Variants in SLC9A9 observed in about 807,000 individuals in gnomAD.
The protein encoded by SLC9A9 is sodium/hydrogen exchanger 9.
In SLC9A9, 62 loss-of-function variants were observed where a neutral mutation model predicts 77.8. The observed-to-expected ratio is 0.80, with a 90% CI of 0.65 to 0.98. The LOEUF (loss-of-function observed/expected upper bound fraction) is 0.98, where lower values mean the gene tolerates loss of function less well. Among genes scored for constraint, SLC9A9 ranks in the 50% least tolerant of loss-of-function variants. SLC9A9 has a pLI of 0.00. For missense variants in SLC9A9, 775 were observed against 774.9 expected, an observed-to-expected ratio of 1.00 and a Z score of 0.00; for synonymous variants, 320 against 283.5, an observed-to-expected ratio of 1.13 and a Z score of -1.29.
At chr3:143,418,376 C>T (rs2034235931) in intron 12 of SLC9A9, among the ~76,000 whole-genome samples, 2 of 151,744 alleles carry the variant, frequency 1.3e-5, no homozygotes, top group African/African-American at 2.4e-5. Context: ...CTCTTTTTTG[C>T]TGCCCTTCTC....
intron 5 of SLC9A9, 90 bp from the exon 6 acceptor site, chr3:143,652,450 A>G (rs2038813843): frequency 1.1e-6 from 1 of 914,580 alleles, no homozygotes; most frequent in African/African-American, 1.6e-5. Flanking sequence ...ACATTAATGA[A>G]ATGCTCATCT....
rs1291642537 is a variant in SLC9A9, at chr3:143,395,838, A to G, written c.1470-13724T>C. On this transcript the variant is annotated intron_variant, in intron 12 of 15. Coordinates refer to ENST00000316549, the MANE Select transcript of SLC9A9 (RefSeq NM_173653.4). ...GAACACATTTATGCAGCCAACAGACATATGAAAAAATGCTCATCATCACTG... is the reference window on the plus strand; with the variant it reads ...GAACACATTTATGCAGCCAACAGACGTATGAAAAAATGCTCATCATCACTG... Among the ~76,000 whole-genome samples the G allele has an allele frequency of 3.3e-5, 5 of 152,268 alleles. No homozygotes were observed. The East Asian group carries it at 7.7e-4, about 23-fold the overall frequency.
chr3:143,268,647 G>T (rs891619474), intron 15 of SLC9A9, among the ~76,000 whole-genome samples: 3 of 149,068 alleles, frequency 2.0e-5, no homozygotes, highest in African/African-American at 4.9e-5. Flanking sequence ...GCAGGAGAAT[G>T]GCATGAACCC....
chr3:143,419,261 G>C (rs1328298868), intron 12 of SLC9A9, among the ~76,000 whole-genome samples: 1 of 152,154 alleles, frequency 6.6e-6, no homozygotes, highest in Non-Finnish European at 1.5e-5. Context: ...ACCTCACGTA[G>C]AGAAACTCAC....
At chr3:143,813,273 T>TG (rs2008917480) in intron 2 of SLC9A9, among the ~76,000 whole-genome samples, 2 of 152,268 alleles carry the variant, frequency 1.3e-5, no homozygotes, top group South Asian at 4.1e-4. Context: ...AAGACAAGTC[T>TG]GGGGCTCTGC....
chr3:143,612,268 C>CT (rs2038035424), intron 6 of SLC9A9, among the ~76,000 whole-genome samples: 1 of 152,166 alleles, frequency 6.6e-6, no homozygotes, highest in African/African-American at 2.4e-5. Flanking sequence ...CATTTTCAAC[C>CT]TTTTTCTTTC....
At chr3:143,488,775 G>A (rs2035695358) in intron 11 of SLC9A9, among the ~76,000 whole-genome samples, 1 of 151,860 alleles carries the variant, frequency 6.6e-6, no homozygotes, top group South Asian at 2.1e-4. Context: ...TAAAATAAAA[G>A]CAAATATCAT....
intron 9 of SLC9A9, among the ~76,000 whole-genome samples, chr3:143,500,197 A>C (rs565300509): frequency 6.6e-6 from 1 of 151,976 alleles, no homozygotes; most frequent in East Asian, 1.9e-4. Context: ...TTACTTTTGG[A>C]TCAGTTTTAG....
At chr3:143,570,090 A>G (rs10935498) in intron 8 of SLC9A9, among the ~76,000 whole-genome samples, 68,937 of 151,644 alleles carry the variant, frequency 0.45, 16,664 homozygotes, top group African/African-American at 0.63. Flanking sequence ...ATAGAAATGC[A>G]TCATTGGTCC....
intron 14 of SLC9A9, among the ~76,000 whole-genome samples, chr3:143,299,616 TG>T (rs1302644961): frequency 6.6e-6 from 1 of 152,162 alleles, no homozygotes; most frequent in African/African-American, 2.4e-5. Context: ...GCTAATTTTT[TG>T]TATTTTTAGT....
chr3:143,370,601 A>ACACACACACACACACACC, intron 13 of SLC9A9, among the ~76,000 whole-genome samples: 1 of 150,770 alleles, frequency 6.6e-6, no homozygotes, highest in South Asian at 2.1e-4. Flanking sequence ...ACACACACAC[A>ACACACACACACACACACC]CCCTAACAAA....
intron 12 of SLC9A9, among the ~76,000 whole-genome samples, chr3:143,398,350 G>A (rs1187021225): frequency 6.6e-6 from 1 of 152,056 alleles, no homozygotes; most frequent in African/African-American, 2.4e-5. Flanking sequence ...ATTCCTGAGA[G>A]CAGAAAGAGA....
At chr3:143,589,720 TA>T (rs1482404688) in intron 6 of SLC9A9, among the ~76,000 whole-genome samples, 1 of 152,182 alleles carries the variant, frequency 6.6e-6, no homozygotes, top group East Asian at 1.9e-4. Context: ...AGTTCAGAGA[TA>T]AATAGACTCA....
At chr3:143,584,663 A>G (rs1390654324) in intron 6 of SLC9A9, among the ~76,000 whole-genome samples, 1 of 152,248 alleles carries the variant, frequency 6.6e-6, no homozygotes, top group Non-Finnish European at 1.5e-5. Flanking sequence ...TAGTTGGAAC[A>G]TACATAAATA....
At chr3:143,297,733 T>C (rs1259759623) in intron 14 of SLC9A9, among the ~76,000 whole-genome samples, 1 of 152,250 alleles carries the variant, frequency 6.6e-6, no homozygotes, top group Non-Finnish European at 1.5e-5. Context: ...TTTAAGTTTA[T>C]GCCTAAGTAT....
chr3:143,351,124 A>T (rs547709441), intron 14 of SLC9A9, among the ~76,000 whole-genome samples: 5 of 152,332 alleles, frequency 3.3e-5, no homozygotes, highest in African/African-American at 1.2e-4. Context: ...TAAGGCATAC[A>T]TGTTATATCA....
At chr3:143,304,616 A>G (rs1316354885) in intron 14 of SLC9A9, among the ~76,000 whole-genome samples, 1 of 152,214 alleles carries the variant, frequency 6.6e-6, no homozygotes, top group Admixed American at 6.5e-5. Flanking sequence ...CTCATAAACG[A>G]GACACCCAAG....
intron 6 of SLC9A9, among the ~76,000 whole-genome samples, chr3:143,581,563 T>C: frequency 6.6e-6 from 1 of 152,044 alleles, no homozygotes; most frequent in Non-Finnish European, 1.5e-5. Flanking sequence ...TCTTTCTTTC[T>C]TTGCATAAAA....
chr3:143,647,747 TTTC>T (rs1375438549), intron 6 of SLC9A9, among the ~76,000 whole-genome samples: 1 of 152,212 alleles, frequency 6.6e-6, no homozygotes, highest in East Asian at 1.9e-4. Flanking sequence ...CCTTCCTTTT[TTTC>T]TTCTTTTTTC....
Sources: gnomAD v4.1 joint callset for allele counts (sites outside exome capture counted in the v4.1 genomes callset) on GRCh38, gnomAD v4.1.1 for gene constraint, MANE v1.5 for transcripts, NCBI Gene and HGNC (gene_info 2026-07-23, HGNC 2026-07-21) for gene names.